The following ANKRD26 variants were observed in gnomAD, a reference collection of about 807,000 sequenced individuals.
ANKRD26 encodes ankyrin repeat domain-containing protein 26.
In ANKRD26, 141 loss-of-function variants were observed where a neutral mutation model predicts 208.7. The observed-to-expected ratio is 0.68, with a 90% CI of 0.59 to 0.78. The LOEUF is 0.78. Ranked by LOEUF, ANKRD26 falls within the 30% of genes least tolerant of loss-of-function variation. The probability of loss-of-function intolerance (pLI) is 0.00; values close to 1 mark genes in which losing one functional copy is unlikely to be tolerated. For missense variants in ANKRD26, 1,889 were observed against 1,938.7 expected (o/e 0.97, Z 0.48); for synonymous variants, 636 against 660.4 (o/e 0.96, Z 0.57).
At chr10:27,057,935 CAA>C (rs76921203) in intron 15 of ANKRD26, among the ~76,000 whole-genome samples, 19 of 83,832 alleles carry the variant, frequency 2.3e-4, no homozygotes, top group Middle Eastern at 0.01. Flanking sequence ...GACTCCATCT[CAA>C]AAAAAAAAAA....
Position 27,033,232 on chromosome 10 carries a change from C to T in ANKRD26, c.3800G>A (p.Arg1267Lys), listed in dbSNP as rs775627395. 1.2e-6 allele frequency: 2 copies of T among 1,609,446 alleles called. No individual in the cohort carries two copies. Among genetic ancestry groups the T allele is most frequent in the Admixed American group, 3.3e-5 (2 of 59,924 alleles). The change falls in exon 25 of 34, where the codon AGA becomes AAA. Residue 1267 changes from arginine (R) to lysine (K), a missense_variant. Physicochemically the swap from Arg to Lys is conservative, Grantham distance 26. Around this residue, in one of 3 missense-constraint regions of ANKRD26, gnomAD observed 613 missense variants for 648.2 expected, o/e 0.95. Coordinates refer to ENST00000376087, the MANE Select transcript of ANKRD26 (RefSeq NM_014915.3). ...QDLKKKLGQIRNQLQEAQDRH... is the reference protein window; with the variant it reads ...QDLKKKLGQIKNQLQEAQDRH... ...GTTAAATTTCATACATACTTGATTT[C>T]TGATTTGACCTAATTTCTTCTTTAA... is the stretch of plus-strand genomic sequence containing the variant.
the ANKRD26 span, among the ~76,000 whole-genome samples, chr10:26,957,196 C>G: frequency 1.3e-5 from 2 of 152,072 alleles, no homozygotes; most frequent in Non-Finnish European, 2.9e-5. Context: ...TAGCTTGAGA[C>G]TAGGAGTTCA....
chr10:26,984,803 T>C (rs1474952517), intron 3 of ANKRD26, among the ~76,000 whole-genome samples: 1 of 152,134 alleles, frequency 6.6e-6, no homozygotes, highest in Non-Finnish European at 1.5e-5. Context: ...CAGGAGGAGT[T>C]CTAGGCCAGG....
chr10:27,066,695 T>C, intron 10 of ANKRD26, 147 bp from the exon 11 acceptor site: 1 of 574,386 alleles, frequency 1.7e-6, no homozygotes, highest in Non-Finnish European at 2.8e-6. Flanking sequence ...TTTCACAAGG[T>C]TGATGCAGTC....
chr10:27,029,064 T>C, intron 26 of ANKRD26, 119 bp from the exon 27 acceptor site: 5 of 1,034,828 alleles, frequency 4.8e-6, no homozygotes, highest in Non-Finnish European at 7.0e-6. Flanking sequence ...CAAAAGTAGG[T>C]GATTTGGCAA....
At chr10:27,083,226 A>C (rs2055992726) in intron 5 of ANKRD26, among the ~76,000 whole-genome samples, 1 of 152,192 alleles carries the variant, frequency 6.6e-6, no homozygotes, top group African/African-American at 2.4e-5. Context: ...GGAAATATAA[A>C]CATATTTACT....
chr10:27,066,643 C>A, intron 10 of ANKRD26, 95 bp from the exon 11 acceptor site: 3 of 735,346 alleles, frequency 4.1e-6, no homozygotes, highest in East Asian at 3.0e-5. Flanking sequence ...TATCTCCATT[C>A]ATGAATATTT....
intron 20 of ANKRD26, among the ~76,000 whole-genome samples, chr10:27,042,615 T>C (rs906375226): frequency 6.6e-6 from 1 of 152,020 alleles, no homozygotes; most frequent in African/African-American, 2.4e-5. Flanking sequence ...TTGCCAGGCT[T>C]GGTGGCGGGC....
rs780254821 is a variant in ANKRD26 at position 27,028,863 on chromosome 10, T to G, written c.3961A>C (p.Asn1321His). The G allele has an allele frequency of 6.2e-7, 1 of 1,612,906 alleles. No homozygotes were observed. Among genetic ancestry groups the G allele is most frequent in the African/African-American group, 1.3e-5 (1 of 74,898 alleles). Residue 1321 changes from asparagine (N) to histidine (H), a missense_variant, in exon 27 of 34, where the codon AAT becomes CAT. Transcript: ENST00000376087. ...KIEELQKNLL[N>H]ANLSEDEKEQ... ...AGTGGCTGACTTACCAAATTTGCAT[T>G]TAACAGGTTTTTCTGAAGCTCCTCA...
At chr10:26,972,304 A>G (rs1489534808), downstream of ANKRD26, among the ~76,000 whole-genome samples, 3 of 151,990 alleles carry the variant, frequency 2.0e-5, no homozygotes, top group Non-Finnish European at 4.4e-5. Context: ...AAATACACAG[A>G]AATCAAAACT....
intron 1 of ANKRD26, among the ~76,000 whole-genome samples, chr10:27,094,184 C>T (rs1015763085): frequency 1.3e-5 from 2 of 152,126 alleles, no homozygotes; most frequent in African/African-American, 2.4e-5. Context: ...CCTGAGGCCT[C>T]CCCAACCAGG....
At chr10:27,037,721 T>C (rs2054090217) in intron 22 of ANKRD26, 150 bp downstream of exon 22, 1 of 677,796 alleles carries the variant, frequency 1.5e-6, no homozygotes, top group Non-Finnish European at 2.4e-6. Flanking sequence ...CCAAGATTTA[T>C]CATGAATAAT....
intron 16 of ANKRD26, chr10:27,052,194 C>T: frequency 1.0e-6 from 1 of 973,174 alleles, no homozygotes; most frequent in African/African-American, 1.8e-5. Flanking sequence ...AATTAAAATT[C>T]AACTGTTAAA....
At chr10:26,985,279 T>A (rs918062156) in intron 3 of ANKRD26, among the ~76,000 whole-genome samples, 1 of 152,152 alleles carries the variant, frequency 6.6e-6, no homozygotes, top group Non-Finnish European at 1.5e-5. Context: ...TGTGGCACCA[T>A]GAATGATAGT....
intron 5 of ANKRD26, among the ~76,000 whole-genome samples, chr10:26,994,359 C>T (rs746160076): frequency 6.6e-6 from 1 of 152,064 alleles, no homozygotes; most frequent in Non-Finnish European, 1.5e-5. Flanking sequence ...TTGTTTACAC[C>T]AGGATATCAT....
chr10:26,987,272 G>A (rs999626935), downstream of ANKRD26, among the ~76,000 whole-genome samples: 1 of 151,808 alleles, frequency 6.6e-6, no homozygotes, highest in Admixed American at 6.6e-5. Flanking sequence ...ACACACCGGG[G>A]CCTGTTGTGG....
chr10:26,981,396 T>C (rs2052306648), intron 4 of ANKRD26, among the ~76,000 whole-genome samples: 1 of 152,182 alleles, frequency 6.6e-6, no homozygotes, highest in African/African-American at 2.4e-5. Context: ...AACAGCAAGG[T>C]TGCAGTGAGC....
the ANKRD26 span, among the ~76,000 whole-genome samples, chr10:26,953,089 A>AT: frequency 6.6e-6 from 1 of 152,208 alleles, no homozygotes; most frequent in African/African-American, 2.4e-5. Flanking sequence ...TTAAAACATA[A>AT]TATCTACAAT....
intron 2 of ANKRD26, 58 bp from the exon 3 acceptor site, chr10:27,093,580 C>A: frequency 6.2e-7 from 1 of 1,603,566 alleles, no homozygotes; most frequent in South Asian, 1.1e-5. Context: ...AATAAACACT[C>A]CACAGGTTTC....
Sources: gnomAD v4.1 joint callset for allele counts (sites outside exome capture counted in the v4.1 genomes callset) on GRCh38, gnomAD v4.1.1 for gene constraint, gnomAD v4.1.1 regional missense constraint, MANE v1.5 for transcripts, NCBI Gene and HGNC (gene_info 2026-07-23, HGNC 2026-07-21) for gene names.